Variants in INPP5J observed in about 807,000 individuals in gnomAD.
INPP5J encodes the protein phosphatidylinositol 4,5-bisphosphate 5-phosphatase A.
A neutral mutation model predicts 86.6 loss-of-function variants in INPP5J; 75 were observed. The observed-to-expected ratio is 0.87, with a 90% confidence interval of 0.72 to 1.05. INPP5J has a LOEUF of 1.05. Among genes scored for constraint, INPP5J ranks in the 50% least tolerant of loss-of-function variants. INPP5J has a pLI of 0.00. For missense variants in INPP5J, 1,229 were observed against 1,341.2 expected (o/e 0.92, Z 1.31); for synonymous variants, 540 against 550.0 (o/e 0.98, Z 0.25).
In INPP5J at chr22:31,133,200, G is replaced by A. The variant is rs372640735; in HGVS notation, c.2296G>A (p.Ala766Thr). ...VVRYRMETVF[A>T]RSSWDWIGLY... ...GAGGTACCGCATGGAAACAGTGTTCGCCCGCAGCTCCTGGGACTGGATCGG... is the reference window on the plus strand; with the variant it reads ...GAGGTACCGCATGGAAACAGTGTTCACCCGCAGCTCCTGGGACTGGATCGG... Residue 766 changes from alanine (A) to threonine (T), a missense_variant, in exon 10 of 13, where the codon GCC becomes ACC. Transcript: ENST00000331075. The A allele has an allele frequency of 9.4e-6, 15 of 1,602,094 alleles. No homozygotes were observed. Among genetic ancestry groups the A allele is most frequent in the South Asian group, 6.7e-5 (6 of 88,970 alleles).
chr22:31,125,469 A>G lies in INPP5J; in HGVS notation c.730A>G (p.Arg244Gly). The change falls in exon 2 of 13, where the codon AGA becomes GGA. Residue 244 changes from arginine to glycine, a missense_variant. Arg to Gly is a moderately radical substitution (Grantham distance 125). Transcript: ENST00000331075. ...TAGAAAGAGGGATGCCCCAGCCCCTAGACCTCTCCCTGCTTCTGAGGGGCA... is the reference window on the plus strand; with the variant it reads ...TAGAAAGAGGGATGCCCCAGCCCCTGGACCTCTCCCTGCTTCTGAGGGGCA... ...SARKRDAPAPRPLPASEGHLQ... is the reference protein window; with the variant it reads ...SARKRDAPAPGPLPASEGHLQ... 1 of 1,549,748 alleles carries G rather than the reference A, an allele frequency of 6.5e-7. No individual in the cohort carries two copies. Among genetic ancestry groups the G allele is most frequent in the Non-Finnish European group, 8.7e-7 (1 of 1,146,740 alleles).
In INPP5J at chr22:31,127,507, G is replaced by A; in HGVS notation, c.1762G>A (p.Gly588Ser). The change falls in exon 6 of 13, where the codon GGC becomes AGC. Residue 588 changes from glycine to serine, a missense_variant. Coordinates refer to ENST00000331075, the MANE Select transcript of INPP5J (RefSeq NM_001284285.2). ...ILSLQQFQGPGAQGILDHDLV... is the reference protein window; with the variant it reads ...ILSLQQFQGPSAQGILDHDLV... ...CAGCCTCCAGCAGTTCCAAGGGCCG[G>A]GCGCACAGGGCATCCTGGATCATGA... The A allele has an allele frequency of 6.2e-7, 1 of 1,613,650 alleles. No homozygotes were observed. The highest frequency in any genetic ancestry group is 1.1e-5 in the South Asian group (1 of 91,022).
At chr22:31,127,762 C>T in intron 6 of INPP5J, 189 bp from the exon 7 acceptor site, 1 of 642,562 alleles carries the variant, frequency 1.6e-6, no homozygotes, top group Non-Finnish European at 2.7e-6. Flanking sequence ...AACCTAATTT[C>T]CTGTAGACCG....
At chr22:31,128,927 C>CTTTTT (rs56761879) in intron 9 of INPP5J, among the ~76,000 whole-genome samples, 939 of 79,764 alleles carry the variant, frequency 0.012, no homozygotes, top group African/African-American at 0.014. Flanking sequence ...CATGCCTTTT[C>CTTTTT]TTTTTTTTTT....
chr22:31,133,562 G>T (rs1181989308), intron 11 of INPP5J, 48 bp from the exon 12 acceptor site: 1 of 1,593,358 alleles, frequency 6.3e-7, no homozygotes, highest in Non-Finnish European at 8.6e-7. Context: ...GGGCTCTCAG[G>T]TGGCCTCCCT....
Position 31,127,547 on chromosome 22 carries a change from G to A in INPP5J, c.1787+15G>A. The A allele has an allele frequency of 1.9e-6, 3 of 1,606,510 alleles. No homozygotes were observed. The highest frequency in any genetic ancestry group is 2.6e-6 in the Non-Finnish European group (3 of 1,175,954). On this transcript the variant is annotated intron_variant, in intron 6 of 12. Coordinates refer to ENST00000331075, the MANE Select transcript of INPP5J (RefSeq NM_001284285.2). ...CTGGATCATGAGTATGGGCTGGGGTGGGGCCAAATAGAGCTTGGGTGGGGC... is the reference window on the plus strand; with the variant it reads ...CTGGATCATGAGTATGGGCTGGGGTAGGGCCAAATAGAGCTTGGGTGGGGC...
intron 1 of INPP5J, among the ~76,000 whole-genome samples, chr22:31,123,548 G>T (rs1921064198): frequency 6.6e-6 from 1 of 152,210 alleles, no homozygotes; most frequent in Non-Finnish European, 1.5e-5. Context: ...GACACTTGGA[G>T]CCAAGGAGGG....
Position 31,125,931 on chromosome 22 carries a change from A to G in INPP5J, c.1192A>G (p.Thr398Ala). Residue 398 changes from threonine (T) to alanine (A), a missense_variant, in exon 2 of 13, where the codon ACC becomes GCC. Physicochemically the swap from Thr to Ala is moderately conservative, Grantham distance 58 (BLOSUM62 0). Coordinates refer to ENST00000331075, the MANE Select transcript of INPP5J (RefSeq NM_001284285.2). ...LQAQEAPAPV[T>A]TSSSTSTLSS... ...GGCCCAAGAAGCCCCAGCCCCAGTCACCACCTCCTCTTCTACATCCACCCT... is the reference window on the plus strand; with the variant it reads ...GGCCCAAGAAGCCCCAGCCCCAGTCGCCACCTCCTCTTCTACATCCACCCT... The G allele has an allele frequency of 6.2e-7, 1 of 1,613,190 alleles. No individual in the cohort carries two copies. Among genetic ancestry groups the G allele is most frequent in the Non-Finnish European group, 8.5e-7 (1 of 1,179,442 alleles).
chr22:31,126,302 G>A lies in INPP5J; in HGVS notation c.1272-74G>A, dbSNP rs750280148. ...CACCTGCCTCCATTTAGTTCCCCAGGGAGTCCTGTGAAAGGAAGCTTGAGG... is the reference window on the plus strand; with the variant it reads ...CACCTGCCTCCATTTAGTTCCCCAGAGAGTCCTGTGAAAGGAAGCTTGAGG... On this transcript the variant is annotated intron_variant, in intron 2 of 12. Transcript: ENST00000331075. The A allele has an allele frequency of 2.6e-4, 328 of 1,261,816 alleles. 1 individual carries two copies. The highest frequency in any genetic ancestry group is 3.5e-4 in the Non-Finnish European group (311 of 880,840). 78.2% of individuals were successfully genotyped at this position (1,261,816 alleles called of 1,614,324 possible).
chr22:31,133,779 C>A, intron 12 of INPP5J, 65 bp downstream of exon 12: 1 of 1,565,470 alleles, frequency 6.4e-7, no homozygotes, highest in South Asian at 1.1e-5. Context: ...ACAGCCTCTA[C>A]ATTCTGCTCC....
chr22:31,131,957 T>C (rs1229236384), intron 9 of INPP5J, among the ~76,000 whole-genome samples: 1 of 152,212 alleles, frequency 6.6e-6, no homozygotes, highest in Non-Finnish European at 1.5e-5. Context: ...TGGCAACAAC[T>C]CAGTCCTTCC....
intron 2 of INPP5J, 157 bp from the exon 3 acceptor site, chr22:31,126,219 T>A (rs1921405708): frequency 2.6e-6 from 2 of 780,480 alleles, no homozygotes; most frequent in African/African-American, 3.5e-5. Context: ...CCAGGGAGAG[T>A]GTGGCAGAGG....
Position 31,125,209 on chromosome 22 carries a change from C to A in INPP5J, c.470C>A (p.Pro157His), listed in dbSNP as rs776093227. The A allele has an allele frequency of 9.7e-6, 15 of 1,550,520 alleles. No individual in the cohort carries two copies. In the South Asian group the frequency reaches 1.8e-4, roughly 18 times the overall value. ...AGATCTCCCCCAGTCACCCTGGGGC[C>A]CAATCTGGCCCCAACCTCCAGAGAC... is the stretch of plus-strand genomic sequence containing the variant. ...GPRSPPVTLG[P>H]NLAPTSRDQK... Residue 157 changes from proline (P) to histidine (H), a missense_variant, in exon 2 of 13, where the codon CCC becomes CAC. Pro to His is a moderately conservative substitution (Grantham distance 77). Transcript: ENST00000331075.
At chr22:31,131,382 G>A (rs1762205511) in intron 9 of INPP5J, among the ~76,000 whole-genome samples, 1 of 152,130 alleles carries the variant, frequency 6.6e-6, no homozygotes, top group South Asian at 2.1e-4. Flanking sequence ...GGCCAACACA[G>A]TGAAACCCTC....
rs572949339 is a variant in INPP5J, at chr22:31,133,706, C to G, written c.2506C>G (p.Pro836Ala). 1 of 1,612,208 alleles carries G rather than the reference C, an allele frequency of 6.2e-7. No homozygotes were observed. The highest frequency in any genetic ancestry group is 8.5e-7 in the Non-Finnish European group (1 of 1,178,912). The change falls in exon 12 of 13, where the codon CCC becomes GCC. Residue 836 changes from proline (P) to alanine (A), a missense_variant. Coordinates refer to ENST00000331075, the MANE Select transcript of INPP5J (RefSeq NM_001284285.2). ...NHSILIGITE[P>A]FQISLPSSEL... ...CAGCATCCTCATCGGCATCACTGAA[C>G]CCTTCCAGGTAAGTAGGCCAGACTG...
Position 31,128,565 on chromosome 22 carries a change from C to T in INPP5J, c.2104C>T (p.Arg702Ter), listed in dbSNP as rs761279434. The change falls in exon 9 of 13, where the codon CGA becomes TGA. Residue 702 changes from arginine to a stop codon, truncating the protein, a stop_gained. Transcript: ENST00000331075. LOFTEE classifies it high-confidence loss of function. The part of the protein sequence containing the change: ...GPSPSGRKSH[R>*]LQVTQHSYRS... ...CAGCCCCTCAGGACGGAAGAGCCACCGACTCCAGGTGACGCAGCACAGCTA... is the reference window on the plus strand; with the variant it reads ...CAGCCCCTCAGGACGGAAGAGCCACTGACTCCAGGTGACGCAGCACAGCTA... The T allele has an allele frequency of 5.0e-6, 8 of 1,613,308 alleles. No individual in the cohort carries two copies. Among genetic ancestry groups the T allele is most frequent in the South Asian group, 2.2e-5 (2 of 91,054 alleles).
At chr22:31,128,839 G>C (rs1921770196) in intron 9 of INPP5J, among the ~76,000 whole-genome samples, 185 bp downstream of exon 9, 1 of 152,022 alleles carries the variant, frequency 6.6e-6, no homozygotes, top group African/African-American at 2.4e-5. Context: ...CAGACACATG[G>C]CATCACCTGC....
In INPP5J at chr22:31,125,893, G is replaced by A. The variant is rs765766816; in HGVS notation, c.1154G>A (p.Ser385Asn). ...TQSTGPGRCLSPNLQAQEAPA... is the reference protein window; with the variant it reads ...TQSTGPGRCLNPNLQAQEAPA... Reference sequence around the variant, plus strand: ...AGTACAGGGCCTGGCAGGTGCCTGAGCCCCAACCTTCAGGCCCAAGAAGCC... The same window carrying A: ...AGTACAGGGCCTGGCAGGTGCCTGAACCCCAACCTTCAGGCCCAAGAAGCC... Residue 385 changes from serine to asparagine, a missense_variant, in exon 2 of 13, where the codon AGC becomes AAC. Ser to Asn is a conservative substitution (Grantham distance 46). Transcript: ENST00000331075. The A allele has an allele frequency of 1.9e-6, 3 of 1,611,194 alleles. No individual in the cohort carries two copies. The highest frequency in any genetic ancestry group is 1.7e-6 in the Non-Finnish European group (2 of 1,178,240).
In INPP5J at chr22:31,124,920, C is replaced by T. The variant is rs535008981; in HGVS notation, c.181C>T (p.Pro61Ser). ...CTCGGAACCAAGGTTGGCTCTGGCA[C>T]CTGTAGGGCCACGGGCAGCTATGTC... ...GPSEPRLALA[P>S]VGPRAAMSAS... is the part of the protein sequence containing the mutation. The change falls in exon 2 of 13, where the codon CCT becomes TCT. Residue 61 changes from proline (P) to serine (S), a missense_variant. Coordinates refer to ENST00000331075, the MANE Select transcript of INPP5J (RefSeq NM_001284285.2). 166 of 1,613,854 alleles carry T rather than the reference C, an allele frequency of 1.0e-4. 1 individual carries two copies. The Admixed American group carries it at 1.3e-3, about 12-fold the overall frequency.
Sources: allele counts gnomAD v4.1 joint callset (sites outside exome capture counted in the v4.1 genomes callset), GRCh38; gene constraint gnomAD v4.1.1; transcripts MANE v1.5; gene names NCBI Gene and HGNC (gene_info 2026-07-23, HGNC 2026-07-21).